Variants in SPIRE1 observed in about 807,000 individuals in gnomAD.
SPIRE1 encodes the protein spire type actin nucleation factor 1.
SPIRE1 carries 40 observed loss-of-function variants against 94.1 expected under a neutral mutation model. The observed-to-expected ratio is 0.43, with a 90% CI of 0.33 to 0.55. The LOEUF (loss-of-function observed/expected upper bound fraction) is 0.55, where lower values mean the gene tolerates loss of function less well. Ranked by LOEUF, SPIRE1 falls within the 20% of genes least tolerant of loss-of-function variation. SPIRE1 has a pLI of 0.06. For synonymous variants in SPIRE1, 376 were observed against 371.7 expected (o/e 1.01, Z -0.13); for missense variants, 838 against 975.2 (o/e 0.86, Z 1.87).
At chr18:12,642,060 G>T (rs939875906) in intron 1 of SPIRE1, among the ~76,000 whole-genome samples, 1 of 152,026 alleles carries the variant, frequency 6.6e-6, no homozygotes, top group Non-Finnish European at 1.5e-5. Context: ...TCAATCTCCT[G>T]ACCTTGTGAT....
At chr18:12,523,892 C>T (rs1259673175) in intron 4 of SPIRE1, among the ~76,000 whole-genome samples, 2 of 152,142 alleles carry the variant, frequency 1.3e-5, no homozygotes, top group African/African-American at 4.8e-5. Context: ...GATCTCACTA[C>T]ATTGCCCACT....
intron 1 of SPIRE1, among the ~76,000 whole-genome samples, chr18:12,650,686 G>A (rs1405953484): frequency 7.0e-6 from 1 of 143,862 alleles, no homozygotes; most frequent in Non-Finnish European, 1.5e-5. Context: ...CTCCAGCCTG[G>A]TGACAGAGCA....
chr18:12,626,888 T>TATATATA (rs1567976766), intron 2 of SPIRE1, among the ~76,000 whole-genome samples: 207 of 45,752 alleles, frequency 4.5e-3, no homozygotes, highest in African/African-American at 0.011. Flanking sequence ...ATATATATAT[T>TATATATA]TTTTTTTTTT....
rs142655806 is a variant in SPIRE1, at chr18:12,493,542, G to T, written c.1060-341C>A. ...GTGCCTCAGCCTCCCGAGTAGCTGG[G>T]ATTACAGGCGTGTGCCAACATGCCT... On this transcript the variant is annotated intron_variant, in intron 7 of 16. Transcript: ENST00000409402. Among the ~76,000 whole-genome samples the T allele has an allele frequency of 3.6e-3, 542 of 152,284 alleles. 2 individuals are homozygous for T. Among genetic ancestry groups the T allele is most frequent in the African/African-American group, 0.012 (517 of 41,560 alleles).
At chr18:12,623,596 A>G (rs7242395) in intron 2 of SPIRE1, among the ~76,000 whole-genome samples, 52,547 of 152,052 alleles carry the variant, frequency 0.35, 10,639 homozygotes, top group East Asian at 0.59. Context: ...AATCATTTTA[A>G]TTTTTCACTA....
rs1304993624 is a variant in SPIRE1, at chr18:12,653,217, A to G, written c.337+4313T>C. 4 of 152,204 alleles carry G rather than the reference A, an allele frequency of 2.6e-5. No homozygotes were observed. The East Asian group carries it at 7.7e-4, about 29-fold the overall frequency. The allele number at this position is 152,204 out of a possible 1,614,324, so 9.4% of individuals were successfully genotyped here. On this transcript the variant is annotated intron_variant, in intron 1 of 16. Transcript: ENST00000409402. ...TGCTGCACAGAACAGCCACCACAAC[A>G]AAGTATTACTCAGCCAAAAATGCCG...
intron 6 of SPIRE1, among the ~76,000 whole-genome samples, chr18:12,498,683 G>A (rs1425479269): frequency 1.1e-4 from 17 of 152,144 alleles, no homozygotes; most frequent in Non-Finnish European, 2.2e-4. Flanking sequence ...TTGGAGTGCA[G>A]TGGCGTGATC....
At chr18:12,576,985 A>G (rs1022663749) in intron 2 of SPIRE1, among the ~76,000 whole-genome samples, 7 of 151,992 alleles carry the variant, frequency 4.6e-5, no homozygotes, top group African/African-American at 1.7e-4. Flanking sequence ...GGGAATCCAT[A>G]GTCCCACACT....
At chr18:12,504,997 A>G (rs1164034883) in intron 6 of SPIRE1, among the ~76,000 whole-genome samples, 1 of 152,138 alleles carries the variant, frequency 6.6e-6, no homozygotes, top group Non-Finnish European at 1.5e-5. Context: ...ATAGCAGAAG[A>G]TGAGGTCTGA....
intron 2 of SPIRE1, among the ~76,000 whole-genome samples, chr18:12,605,592 C>T (rs974966013): frequency 6.6e-6 from 1 of 152,032 alleles, no homozygotes; most frequent in African/African-American, 2.4e-5. Context: ...AATTACTTAT[C>T]CAAGCAGGCC....
chr18:12,476,370 C>G (rs544666780), intron 10 of SPIRE1, among the ~76,000 whole-genome samples: 32 of 151,400 alleles, frequency 2.1e-4, no homozygotes, highest in African/African-American at 7.7e-4. Flanking sequence ...GAAACCCCAT[C>G]TCTAATAAAA....
At position 12,559,885 on chromosome 18, in the gene SPIRE1, A is replaced by G. The variant is rs1233990340; in HGVS notation, c.373-12981T>C. 6.6e-6 allele frequency among the ~76,000 whole-genome samples: 1 copy of G among 152,238 alleles called. No individual in the cohort carries two copies. Among genetic ancestry groups the G allele is most frequent in the African/African-American group, 2.4e-5 (1 of 41,468 alleles). On this transcript the variant is annotated intron_variant, in intron 2 of 16. Transcript: ENST00000409402. The surrounding 1 kb of genome is among the most constrained non-coding windows in gnomAD (Gnocchi z 4.7). ...ATAACCACAATATATAAGGACCTCA[A>G]ACAATTCTATAGGAAAAAATCTAAT...
chr18:12,645,647 A>G (rs1449007757), intron 1 of SPIRE1, among the ~76,000 whole-genome samples: 1 of 152,226 alleles, frequency 6.6e-6, no homozygotes, highest in Non-Finnish European at 1.5e-5. Context: ...ATCTAAAGAT[A>G]TATAAAATGC....
At chr18:12,492,713 T>A (rs2033280941) in intron 8 of SPIRE1, among the ~76,000 whole-genome samples, 1 of 152,210 alleles carries the variant, frequency 6.6e-6, no homozygotes, top group East Asian at 1.9e-4. Flanking sequence ...TAAGAGGAAC[T>A]TTTATCCCCC....
At chr18:12,553,499 G>C (rs1423012986) in intron 2 of SPIRE1, among the ~76,000 whole-genome samples, 1 of 152,208 alleles carries the variant, frequency 6.6e-6, no homozygotes, top group African/African-American at 2.4e-5. Context: ...GCCTGTGGAA[G>C]AGGCGAGGGA....
chr18:12,638,519 G>A (rs1303127103), intron 1 of SPIRE1, among the ~76,000 whole-genome samples: 1 of 152,148 alleles, frequency 6.6e-6, no homozygotes, highest in African/African-American at 2.4e-5. Context: ...TGCACATAAT[G>A]ACACAGAGTT....
At chr18:12,556,752 CG>C (rs1370778035) in intron 2 of SPIRE1, among the ~76,000 whole-genome samples, 1 of 152,126 alleles carries the variant, frequency 6.6e-6, no homozygotes, top group African/African-American at 2.4e-5. Context: ...CAGACCTTGG[CG>C]GTGAGTGTTA....
At chr18:12,573,597 T>C (rs778017807) in intron 2 of SPIRE1, among the ~76,000 whole-genome samples, 1 of 152,130 alleles carries the variant, frequency 6.6e-6, no homozygotes, top group African/African-American at 2.4e-5. Context: ...TAAATCCAGA[T>C]AATGGAATAA....
chr18:12,650,353 G>A (rs544882969), intron 1 of SPIRE1, among the ~76,000 whole-genome samples: 1 of 152,088 alleles, frequency 6.6e-6, no homozygotes, highest in African/African-American at 2.4e-5. Flanking sequence ...GAGCCCAGAA[G>A]TTCCAAACAA....
Sources: gnomAD v4.1 joint callset for allele counts (sites outside exome capture counted in the v4.1 genomes callset) on GRCh38, gnomAD v4.1.1 for gene constraint, Gnocchi (gnomAD v3.1) non-coding constraint, MANE v1.5 for transcripts, NCBI Gene and HGNC (gene_info 2026-07-23, HGNC 2026-07-21) for gene names.